LMO7: variants seen among roughly 807,000 people sequenced by gnomAD.
LMO7 encodes LIM domain 7, also known as LIM domain only protein 7.
LMO7 carries 120 observed loss-of-function variants against 206.5 expected under a neutral mutation model. The observed-to-expected ratio is 0.58, with a 90% CI of 0.50 to 0.68. The LOEUF (loss-of-function observed/expected upper bound fraction) is 0.68. Ranked by LOEUF, LMO7 falls within the 30% of genes least tolerant of loss-of-function variation. The pLI, the probability that LMO7 is intolerant of heterozygous loss-of-function variation, is 0.00. For missense variants in LMO7, 1,959 were observed against 1,957.9 expected (o/e 1.00, Z -0.01); for synonymous variants, 706 against 681.5 (o/e 1.04, Z -0.56).
rs2061153687 is a variant in LMO7 at position 75,859,259 on chromosome 13, G to A, written c.*1316G>A. ...ATGTGGGAGATAAAAATTTTATTTA[G>A]TACTTATTCTGATTATTATTAAAGT... is the stretch of plus-strand genomic sequence containing the variant. On this transcript the variant is annotated 3_prime_UTR_variant, in exon 31 of 31. Coordinates refer to ENST00000377534, the MANE Select transcript of LMO7 (RefSeq NM_001306080.2). 6.6e-6 allele frequency: 1 copy of A among 152,156 alleles called. No individual in the cohort carries two copies. Among genetic ancestry groups the A allele is most frequent in the African/African-American group, 2.4e-5 (1 of 41,442 alleles). The allele number at this position is 152,156 out of a possible 1,614,324, so 9.4% of individuals were successfully genotyped here.
chr13:75,758,240 A>T (rs1161935465), intron 3 of LMO7, among the ~76,000 whole-genome samples: 1 of 152,164 alleles, frequency 6.6e-6, no homozygotes, highest in Non-Finnish European at 1.5e-5. Flanking sequence ...TAAACAACTA[A>T]ATACTTCCCT....
At chr13:75,632,922 G>A (rs985777889), upstream of LMO7, among the ~76,000 whole-genome samples, 1 of 131,134 alleles carries the variant, frequency 7.6e-6, no homozygotes, top group Non-Finnish European at 1.6e-5. Context: ...GTGCAGTGCC[G>A]TGGTCTCGGC....
chr13:75,675,169 C>T (rs146461417), intron 1 of LMO7, among the ~76,000 whole-genome samples: 25 of 151,838 alleles, frequency 1.6e-4, no homozygotes, highest in African/African-American at 5.3e-4. Context: ...CTCTGCCTCC[C>T]GGCTTCAAGC....
At chr13:75,641,913 G>T (rs931750023) in intron 1 of LMO7, among the ~76,000 whole-genome samples, 1 of 152,022 alleles carries the variant, frequency 6.6e-6, no homozygotes, top group African/African-American at 2.4e-5. Context: ...GCCAGCCTTG[G>T]CCTCCTAAAG....
intron 1 of LMO7, among the ~76,000 whole-genome samples, chr13:75,703,079 A>C (rs1272906218): frequency 1.3e-5 from 2 of 152,202 alleles, no homozygotes. Context: ...CCTGTGCAGT[A>C]GAAGGCTACT....
At chr13:75,645,006 A>T (rs901983822) in intron 1 of LMO7, among the ~76,000 whole-genome samples, 1 of 152,246 alleles carries the variant, frequency 6.6e-6, no homozygotes, top group African/African-American at 2.4e-5. Flanking sequence ...TTAATGTTCA[A>T]TAAACCATTT....
At chr13:75,626,242 G>T (rs532320810) in intron 2 of LMO7, among the ~76,000 whole-genome samples, 2 of 152,150 alleles carry the variant, frequency 1.3e-5, no homozygotes, top group South Asian at 4.1e-4. Context: ...AGACATACCC[G>T]AGACTGGGAA....
At chr13:75,704,815 A>T (rs2042535963) in intron 1 of LMO7, among the ~76,000 whole-genome samples, 1 of 152,236 alleles carries the variant, frequency 6.6e-6, no homozygotes, top group African/African-American at 2.4e-5. Flanking sequence ...AAGAAATCTT[A>T]TCCAGCAAGA....
chr13:75,836,473 A>T lies in LMO7; in HGVS notation c.3394+16A>T. On this transcript the variant is annotated intron_variant, in intron 19 of 30. Transcript: ENST00000377534. ...GAATCAAAAGGTAAATATCACCTTT[A>T]TAACTTACATTTATAATACAGGAAA... 7.9e-7 allele frequency: 1 copy of T among 1,273,520 alleles called. No homozygotes were observed. The highest frequency in any genetic ancestry group is 1.1e-6 in the Non-Finnish European group (1 of 902,062). 78.9% of individuals were successfully genotyped at this position (1,273,520 alleles called of 1,614,324 possible).
intron 7 of LMO7, among the ~76,000 whole-genome samples, chr13:75,803,818 T>A (rs1157888891): frequency 1.3e-5 from 2 of 152,162 alleles, no homozygotes; most frequent in Non-Finnish European, 2.9e-5. Flanking sequence ...CAAGCTTGTT[T>A]TTTTTTTTCT....
chr13:75,626,595 A>ATATATTTTTTTTTTTTTTTTTTTTTT, intron 2 of LMO7, among the ~76,000 whole-genome samples: 4 of 71,096 alleles, frequency 5.6e-5, no homozygotes, highest in Admixed American at 1.5e-4. Context: ...ATATATATAA[A>ATATATTTTTTTTTTTTTTTTTTTTTT]TTTTTTTGAG....
At chr13:75,725,279 T>C (rs1437518138) in intron 2 of LMO7, among the ~76,000 whole-genome samples, 1 of 152,134 alleles carries the variant, frequency 6.6e-6, no homozygotes, top group African/African-American at 2.4e-5. Flanking sequence ...TTTATGATAC[T>C]CTTCCTCCTG....
At chr13:75,766,600 A>T (rs2048928672) in intron 4 of LMO7, among the ~76,000 whole-genome samples, 1 of 33,096 alleles carries the variant, frequency 3.0e-5, no homozygotes, top group African/African-American at 1.5e-4. Context: ...TACATTATGT[A>T]AAGATAAATG....
At chr13:75,719,664 G>A (rs1054971517) in intron 2 of LMO7, among the ~76,000 whole-genome samples, 6 of 152,254 alleles carry the variant, frequency 3.9e-5, no homozygotes, top group Admixed American at 2.6e-4. Flanking sequence ...CTTCTGCCAC[G>A]ATTGTAAATT....
chr13:75,721,384 C>T (rs1478652012), intron 2 of LMO7, among the ~76,000 whole-genome samples: 1 of 152,072 alleles, frequency 6.6e-6, no homozygotes, highest in Non-Finnish European at 1.5e-5. Context: ...CTAGGCGATG[C>T]TGTTTGGAGA....
chr13:75,658,417 T>G (rs752566053), intron 1 of LMO7, among the ~76,000 whole-genome samples: 6 of 152,174 alleles, frequency 3.9e-5, no homozygotes, highest in Non-Finnish European at 8.8e-5. Context: ...TACAATGTTT[T>G]AGCCCATCTG....
At chr13:75,848,003 A>G (rs562035676) in intron 26 of LMO7, among the ~76,000 whole-genome samples, 1 of 152,210 alleles carries the variant, frequency 6.6e-6, no homozygotes, top group East Asian at 1.9e-4. Flanking sequence ...AATACACTTT[A>G]TTTATTTGTT....
chr13:75,853,633 C>T (rs750993801), intron 28 of LMO7, among the ~76,000 whole-genome samples: 3 of 152,158 alleles, frequency 2.0e-5, no homozygotes, highest in Admixed American at 6.5e-5. Flanking sequence ...TTGTTGCCAT[C>T]GTCTCATTTG....
intron 3 of LMO7, among the ~76,000 whole-genome samples, chr13:75,757,648 C>T (rs779496444): frequency 7.2e-5 from 11 of 152,102 alleles, no homozygotes; most frequent in Non-Finnish European, 1.3e-4. Flanking sequence ...ATATGAAAAT[C>T]TTAAAGCCAT....
Sources: gnomAD v4.1 joint callset for allele counts (sites outside exome capture counted in the v4.1 genomes callset) on GRCh38, gnomAD v4.1.1 for gene constraint, MANE v1.5 for transcripts, NCBI Gene and HGNC (gene_info 2026-07-23, HGNC 2026-07-21) for gene names.